Variants in OR2L13 observed in about 807,000 individuals in gnomAD.
OR2L13 encodes olfactory receptor family 2 subfamily L member 13, also known as olfactory receptor 2L13.
A neutral mutation model predicts 15.3 loss-of-function variants in OR2L13; 14 were observed. That is an observed-to-expected ratio of 0.91 (90% CI 0.60 to 1.43). The LOEUF (loss-of-function observed/expected upper bound fraction) is 1.43. OR2L13 is among the 40% of genes most tolerant of loss of function. The pLI, the probability that OR2L13 is intolerant of heterozygous loss-of-function variation, is 0.00. For missense variants in OR2L13, 367 were observed against 387.9 expected, an observed-to-expected ratio of 0.95 and a Z score of 0.45; for synonymous variants, 152 against 142.9, an observed-to-expected ratio of 1.06 and a Z score of -0.45.
chr1:248,083,431 T>C, the OR2L13 span: 10 of 542,836 alleles, frequency 1.8e-5, no homozygotes, highest in East Asian at 3.1e-5. Context: ...AAGTAATATA[T>C]AGATTTTACT....
chr1:248,061,107 G>T, the OR2L13 span: 1 of 1,613,872 alleles, frequency 6.2e-7, no homozygotes. Flanking sequence ...TGTGTGTGCT[G>T]ATGATAACAG....
At chr1:248,021,894 C>T in the OR2L13 span, 105 of 1,420,658 alleles carry the variant, frequency 7.4e-5, no homozygotes, top group Admixed American at 4.8e-4. Flanking sequence ...TGGGGAACTA[C>T]TGTACTTGAC....
chr1:247,964,925 T>G, the OR2L13 span, among the ~76,000 whole-genome samples: 3 of 149,266 alleles, frequency 2.0e-5, no homozygotes, highest in Non-Finnish European at 4.4e-5. Flanking sequence ...AGTAATATGT[T>G]TATAGATACG....
the OR2L13 span, among the ~76,000 whole-genome samples, chr1:247,960,424 A>G: frequency 1.3e-5 from 2 of 152,188 alleles, no homozygotes; most frequent in Non-Finnish European, 2.9e-5. Flanking sequence ...CTGTTCTCAG[A>G]TCTTCAGCTG....
the OR2L13 span, chr1:248,003,783 G>A: frequency 3.1e-6 from 5 of 1,613,712 alleles, no homozygotes; most frequent in Middle Eastern, 1.6e-4. Flanking sequence ...TGTTCCTATG[G>A]CCGGGTTCTC....
chr1:248,093,205 G>T (rs1664641207), upstream of OR2L13, among the ~76,000 whole-genome samples: 1 of 152,136 alleles, frequency 6.6e-6, no homozygotes, highest in South Asian at 2.1e-4. Context: ...AAGGTTTGGG[G>T]AAAGCAGGAG....
the OR2L13 span, among the ~76,000 whole-genome samples, chr1:247,953,919 C>T: frequency 7.9e-4 from 102 of 129,548 alleles, 1 homozygote; most frequent in Non-Finnish European, 1.2e-3. Flanking sequence ...TTTATGGTTT[C>T]GAGCCAGTGT....
the OR2L13 span, among the ~76,000 whole-genome samples, chr1:248,015,392 A>G: frequency 1.3e-5 from 2 of 152,020 alleles, no homozygotes; most frequent in Non-Finnish European, 2.9e-5. Flanking sequence ...GTGTCATCTG[A>G]TTGACATTCT....
At chr1:248,098,500 A>G (rs1664781468) in intron 1 of OR2L13, among the ~76,000 whole-genome samples, 151 bp from the exon 2 acceptor site, 1 of 152,162 alleles carries the variant, frequency 6.6e-6, no homozygotes, top group Non-Finnish European at 1.5e-5. Context: ...TATTCCTTAG[A>G]CAGCTATAGA....
At chr1:247,948,944 C>G in the OR2L13 span, 1 of 1,613,778 alleles carries the variant, frequency 6.2e-7, no homozygotes. Flanking sequence ...TCTTCATTCT[C>G]ATTGTTTTCA....
the OR2L13 span, chr1:248,030,167 A>G: frequency 2.0e-5 from 3 of 152,312 alleles, no homozygotes; most frequent in Admixed American, 1.3e-4. Flanking sequence ...ATTTGTTCCT[A>G]TGATGACTGT....
chr1:247,963,723 A>G, the OR2L13 span, among the ~76,000 whole-genome samples: 7 of 152,282 alleles, frequency 4.6e-5, no homozygotes, highest in African/African-American at 2.4e-5. Flanking sequence ...TTTCTTTCCA[A>G]TCTGCATTCC....
chr1:248,028,624 C>T, the OR2L13 span, among the ~76,000 whole-genome samples: 39 of 152,156 alleles, frequency 2.6e-4, no homozygotes, highest in Admixed American at 6.6e-4. Flanking sequence ...TTGTGGCCTA[C>T]GATCTGCTTA....
chr1:248,095,141 T>C (rs2103194756), upstream of OR2L13: 1 of 152,264 alleles, frequency 6.6e-6, no homozygotes, highest in Non-Finnish European at 1.5e-5. Flanking sequence ...TATCTAAGGG[T>C]TGGTGACTTA....
the OR2L13 span, among the ~76,000 whole-genome samples, chr1:247,971,738 G>A: frequency 6.6e-6 from 1 of 152,096 alleles, no homozygotes; most frequent in Non-Finnish European, 1.5e-5. Flanking sequence ...AGGATATTCA[G>A]GACTGGAACT....
chr1:247,994,396 C>A, the OR2L13 span, among the ~76,000 whole-genome samples: 3 of 152,096 alleles, frequency 2.0e-5, no homozygotes, highest in Non-Finnish European at 4.4e-5. Flanking sequence ...GACTCCATCT[C>A]AAAAACAAAC....
the OR2L13 span, chr1:248,061,457 T>C: frequency 6.2e-7 from 1 of 1,614,026 alleles, no homozygotes; most frequent in Non-Finnish European, 8.5e-7. Flanking sequence ...TACACTTATC[T>C]ACGTCCAAGA....
the OR2L13 span, chr1:248,023,932 A>G: frequency 6.6e-6 from 1 of 152,202 alleles, no homozygotes; most frequent in Admixed American, 6.5e-5. Flanking sequence ...TCTCAAATAG[A>G]ATAATCTTCA....
the OR2L13 span, among the ~76,000 whole-genome samples, chr1:248,002,933 C>T: frequency 6.6e-6 from 1 of 151,950 alleles, no homozygotes; most frequent in Admixed American, 6.6e-5. Flanking sequence ...TGTACCAGCT[C>T]CACTTTGGAC....
Sources: allele counts gnomAD v4.1 joint callset (sites outside exome capture counted in the v4.1 genomes callset), GRCh38; gene constraint gnomAD v4.1.1; transcripts MANE v1.5; gene names NCBI Gene and HGNC (gene_info 2026-07-23, HGNC 2026-07-21).